The following RAI14 variants were observed in gnomAD, a reference collection of about 807,000 sequenced individuals.
The protein encoded by RAI14 is ankycorbin.
In RAI14, 45 loss-of-function variants were observed where a neutral mutation model predicts 115.4. The observed-to-expected ratio is 0.39, with a 90% confidence interval of 0.31 to 0.50. RAI14 has a LOEUF of 0.50. Ranked by LOEUF, RAI14 falls within the 20% of genes least tolerant of loss-of-function variation. The pLI is 0.85. For synonymous variants in RAI14, 371 were observed against 415.4 expected (o/e 0.89, Z 1.30); for missense variants, 939 against 1,131.2 (o/e 0.83, Z 2.44).
chr5:34,734,669 CTT>C (rs1158861665), intron 2 of RAI14, among the ~76,000 whole-genome samples: 3 of 145,946 alleles, frequency 2.1e-5, no homozygotes, highest in Non-Finnish European at 1.5e-5. Context: ...TTTATTCTTT[CTT>C]TTTTTTTTTT....
At chr5:34,805,707 G>A (rs1754804790) in intron 5 of RAI14, among the ~76,000 whole-genome samples, 1 of 152,068 alleles carries the variant, frequency 6.6e-6, no homozygotes, top group Admixed American at 6.5e-5. Flanking sequence ...CGGGCGTGGT[G>A]GTGCATGCCT....
chr5:34,815,418 T>C (rs1016963944), intron 12 of RAI14, among the ~76,000 whole-genome samples: 2 of 150,212 alleles, frequency 1.3e-5, no homozygotes, highest in African/African-American at 4.9e-5. Context: ...CAAAAATTAG[T>C]TGGGCCTGGT....
chr5:34,701,974 G>A (rs549259211), intron 2 of RAI14, among the ~76,000 whole-genome samples: 75 of 152,112 alleles, frequency 4.9e-4, no homozygotes, highest in African/African-American at 1.5e-3. Flanking sequence ...TACCACGCCC[G>A]GCTAATTTTT....
At chr5:34,705,196 T>C (rs187271050) in intron 2 of RAI14, among the ~76,000 whole-genome samples, 2 of 152,336 alleles carry the variant, frequency 1.3e-5, no homozygotes, top group East Asian at 3.9e-4. Flanking sequence ...AATTTGTTTT[T>C]TCAACTCTAA....
chr5:34,742,844 T>A (rs1745694488), intron 2 of RAI14, among the ~76,000 whole-genome samples: 1 of 152,096 alleles, frequency 6.6e-6, no homozygotes, highest in Admixed American at 6.5e-5. Flanking sequence ...TTTGTATTTT[T>A]AGTGGAGAAG....
In RAI14 at chr5:34,729,578, A is replaced by G. The variant is rs369296345; in HGVS notation, c.37-27890A>G. 1.3e-3 allele frequency among the ~76,000 whole-genome samples: 196 copies of G among 152,308 alleles called. 6 individuals carry two copies. In the South Asian group the frequency reaches 0.039, roughly 30 times the overall value. On this transcript the variant is annotated intron_variant, in intron 2 of 17. Transcript: ENST00000265109. ...GTATTTATTGTTGCCAAAATATTCA[A>G]CTTGAATCTGGTCAGCCTCTAAATC...
At chr5:34,715,988 T>C in intron 2 of RAI14, 5 of 370,290 alleles carry the variant, frequency 1.4e-5, no homozygotes, top group Non-Finnish European at 2.6e-5. Context: ...AATTTATGTA[T>C]TTGTATGCAA....
intron 2 of RAI14, among the ~76,000 whole-genome samples, chr5:34,707,584 TAA>T (rs1303553940): frequency 6.6e-6 from 1 of 152,210 alleles, no homozygotes. Context: ...ATTGCTTCTG[TAA>T]GAGAGTACAA....
rs550133863 is a variant in RAI14, at chr5:34,812,522, G to A, written c.765+314G>A. The stretch of plus-strand genomic sequence containing the variant: ...CTCTACTAATATTACAATATTAGCC[G>A]GGCATGGTGGTGCGTGCCTGTAATC... On this transcript the variant is annotated intron_variant, in intron 10 of 17. Transcript: ENST00000265109. Among the ~76,000 whole-genome samples, 11 of 152,068 alleles carry A rather than the reference G, an allele frequency of 7.2e-5. No homozygotes were observed. The South Asian group carries it at 2.1e-3, about 29-fold the overall frequency.
At chr5:34,683,380 T>G (rs1404681682) in intron 1 of RAI14, among the ~76,000 whole-genome samples, 1 of 152,110 alleles carries the variant, frequency 6.6e-6, no homozygotes, top group African/African-American at 2.4e-5. Context: ...AATTATCACT[T>G]TATTTATCTA....
rs142855198 is a variant in RAI14, at chr5:34,693,160, A to G, written c.36+6205A>G. ...GCTTGATTACCTCTGTGAAAACCCT[A>G]TCTCCAAATAAGGTCACCTTCTGAG... On this transcript the variant is annotated intron_variant, in intron 2 of 17. Transcript: ENST00000265109. 2.3e-4 allele frequency among the ~76,000 whole-genome samples: 35 copies of G among 152,272 alleles called. No homozygotes were observed. The East Asian group carries it at 6.4e-3, about 28-fold the overall frequency.
chr5:34,814,154 TAG>T (rs1303131509), intron 11 of RAI14, among the ~76,000 whole-genome samples: 1 of 152,158 alleles, frequency 6.6e-6, no homozygotes, highest in Non-Finnish European at 1.5e-5. Context: ...GACGGTTGCA[TAG>T]AGGAGGAAGC....
Position 34,665,113 on chromosome 5 carries a change from ATG to A in RAI14, c.-49+8642_-49+8643del, listed in dbSNP as rs1561220842. On this transcript the variant is annotated intron_variant, in intron 1 of 17. Coordinates refer to ENST00000265109, the MANE Select transcript of RAI14 (RefSeq NM_015577.3). Reference sequence around the variant, plus strand: ...TATGTGTATATATATGTGTATATATATGTGTATATATGTATGTGTATATATAT... The same window carrying A: ...TATGTGTATATATATGTGTATATATATGTATATATGTATGTGTATATATAT... Among the ~76,000 whole-genome samples, 7 of 13,166 alleles carry A rather than the reference ATG, an allele frequency of 5.3e-4. 1 individual carries two copies. The highest frequency in any genetic ancestry group is 1.5e-3 in the African/African-American group (7 of 4,804). 8.6% of individuals were successfully genotyped at this position (13,166 alleles called of 152,430 possible). A position where few individuals can be genotyped will look rare whatever the true frequency, so the allele number is the denominator to read the frequency against.
intron 3 of RAI14, among the ~76,000 whole-genome samples, chr5:34,765,092 C>T (rs1206712186): frequency 6.6e-6 from 1 of 152,178 alleles, no homozygotes; most frequent in Non-Finnish European, 1.5e-5. Flanking sequence ...CACTTTCTGC[C>T]ATGATTCTGA....
At chr5:34,757,057 G>T (rs1164450275) in intron 2 of RAI14, among the ~76,000 whole-genome samples, 1 of 152,186 alleles carries the variant, frequency 6.6e-6, no homozygotes, top group Admixed American at 6.5e-5. Context: ...ACCTTGAGCT[G>T]CTGGTTTGGT....
intron 2 of RAI14, among the ~76,000 whole-genome samples, chr5:34,699,451 T>C (rs1739760355): frequency 6.6e-6 from 1 of 152,186 alleles, no homozygotes; most frequent in Non-Finnish European, 1.5e-5. Context: ...TCTTGGCTTA[T>C]AGGAGCATCA....
intron 2 of RAI14, among the ~76,000 whole-genome samples, chr5:34,701,425 CAT>C (rs1378379287): frequency 2.6e-5 from 4 of 152,132 alleles, no homozygotes; most frequent in African/African-American, 7.2e-5. Context: ...GAATAGGAAA[CAT>C]GTGTCATCTG....
intron 2 of RAI14, among the ~76,000 whole-genome samples, chr5:34,718,147 T>C (rs1296667862): frequency 1.3e-5 from 2 of 152,196 alleles, no homozygotes; most frequent in Non-Finnish European, 1.5e-5. Context: ...GAACAACAGC[T>C]AGCAAATTAG....
chr5:34,814,302 T>C (rs1755930999), intron 11 of RAI14, among the ~76,000 whole-genome samples: 1 of 152,222 alleles, frequency 6.6e-6, no homozygotes, highest in South Asian at 2.1e-4. Context: ...TAAATGTATG[T>C]TAGCATACTT....
Sources: allele counts gnomAD v4.1 joint callset (sites outside exome capture counted in the v4.1 genomes callset), GRCh38; gene constraint gnomAD v4.1.1; transcripts MANE v1.5; gene names NCBI Gene and HGNC (gene_info 2026-07-23, HGNC 2026-07-21).